Variants in TGFBR3 observed in about 807,000 individuals in gnomAD.
The protein encoded by TGFBR3 is transforming growth factor beta receptor type 3.
A neutral mutation model predicts 87.9 loss-of-function variants in TGFBR3; 46 were observed. The observed-to-expected ratio is 0.52, with a 90% confidence interval of 0.41 to 0.67. The LOEUF is 0.67. TGFBR3 is among the 30% of genes least tolerant of loss of function. TGFBR3 has a pLI of 0.00. For synonymous variants in TGFBR3, 381 were observed against 391.6 expected (o/e 0.97, Z 0.32); for missense variants, 866 against 1,041.9 (o/e 0.83, Z 2.32).
chr1:91,683,732 G>T lies in TGFBR3; in HGVS notation c.*7C>A. On this transcript the variant is annotated 3_prime_UTR_variant, in exon 17 of 17. Transcript: ENST00000212355. ...GGCTGGGTTGGGCCGGGTTGGGCTG[G>T]GTTGGGCTAGGCCGTGCTGCTGCTG... is the stretch of plus-strand genomic sequence containing the variant. The T allele has an allele frequency of 6.4e-7, 1 of 1,552,580 alleles. No homozygotes were observed. The highest frequency in any genetic ancestry group is 8.7e-7 in the Non-Finnish European group (1 of 1,154,554).
At chr1:91,879,753 G>A (rs1386748146) in intron 1 of TGFBR3, among the ~76,000 whole-genome samples, 1 of 152,120 alleles carries the variant, frequency 6.6e-6, no homozygotes, top group African/African-American at 2.4e-5. Context: ...TTTGCAAGCA[G>A]AGAAAATAAA....
intron 1 of TGFBR3, among the ~76,000 whole-genome samples, chr1:91,903,900 A>G (rs1201658596): frequency 2.0e-5 from 3 of 152,114 alleles, no homozygotes; most frequent in Admixed American, 6.6e-5. Flanking sequence ...CTGGCCAGGC[A>G]TGGTGGCTCA....
chr1:91,846,989 AAGC>A (rs1374256843), intron 2 of TGFBR3, among the ~76,000 whole-genome samples: 9 of 152,202 alleles, frequency 5.9e-5, no homozygotes, highest in Admixed American at 5.9e-4. Context: ...TCAATTTCAA[AAGC>A]AGAATGACCA....
chr1:91,800,330 A>G (rs2996485), intron 2 of TGFBR3, among the ~76,000 whole-genome samples: 37,275 of 135,618 alleles, frequency 0.27, 5,808 homozygotes, highest in African/African-American at 0.43. Flanking sequence ...ATATGTGTAT[A>G]TGTGTGTGTG....
chr1:91,772,392 G>C (rs1467174948), intron 3 of TGFBR3, among the ~76,000 whole-genome samples: 3 of 149,856 alleles, frequency 2.0e-5, no homozygotes, highest in African/African-American at 7.4e-5. Context: ...GAATTACCAA[G>C]GAATATCTTG....
intron 3 of TGFBR3, among the ~76,000 whole-genome samples, chr1:91,777,839 C>G (rs957217745): frequency 3.9e-5 from 6 of 152,198 alleles, no homozygotes; most frequent in Non-Finnish European, 5.9e-5. Context: ...TCCTGCAATG[C>G]TTTGCACCGG....
At chr1:91,762,507 T>TA (rs1394268160) in intron 3 of TGFBR3, among the ~76,000 whole-genome samples, 1 of 152,154 alleles carries the variant, frequency 6.6e-6, no homozygotes, top group Non-Finnish European at 1.5e-5. Flanking sequence ...GACTCAGAAC[T>TA]AAAAAAACTT....
chr1:91,805,352 G>A (rs1037240413), intron 2 of TGFBR3, among the ~76,000 whole-genome samples: 4 of 152,124 alleles, frequency 2.6e-5, no homozygotes, highest in African/African-American at 4.8e-5. Flanking sequence ...TGGCTTACTC[G>A]AGAAATCTGA....
At chr1:91,835,157 G>C (rs1401855911) in intron 2 of TGFBR3, among the ~76,000 whole-genome samples, 2 of 152,152 alleles carry the variant, frequency 1.3e-5, no homozygotes, top group East Asian at 3.8e-4. Context: ...ACTAGATCAG[G>C]ATAGCTCTAA....
At position 91,744,116 on chromosome 1, in the gene TGFBR3, C is replaced by T. The variant is rs550834069; in HGVS notation, c.385-9157G>A. Among the ~76,000 whole-genome samples the T allele has an allele frequency of 6.5e-5, 9 of 137,856 alleles. No homozygotes were observed. The East Asian group carries it at 8.4e-4, about 13-fold the overall frequency. The allele number at this position is 137,856 out of a possible 152,430, so 90.4% of individuals were successfully genotyped here. A position where few individuals can be genotyped will look rare whatever the true frequency, so the allele number is the denominator to read the frequency against. ...TTTTTTTTTTTTTGAGACGGAGTTT[C>T]GCTCATCACCCAGGCTGGAGTGTAG... On this transcript the variant is annotated intron_variant, in intron 4 of 16. Transcript: ENST00000212355.
intron 2 of TGFBR3, among the ~76,000 whole-genome samples, chr1:91,856,121 G>A (rs545296434): frequency 1.4e-4 from 21 of 152,044 alleles, no homozygotes; most frequent in Non-Finnish European, 2.9e-4. Context: ...GGAGTGCAGT[G>A]GCGCGATCTC....
rs1318598069 is a variant in TGFBR3 at position 91,698,141 on chromosome 1, A to C, written c.2288-11T>G. On this transcript the variant is annotated splice_polypyrimidine_tract_variant and intron_variant, in intron 14 of 16. Transcript: ENST00000212355. ...TGCTTGGACCTTTTTCTGAAACAAAAACATAAATCACAATGTATTCTATGG... is the reference window on the plus strand; with the variant it reads ...TGCTTGGACCTTTTTCTGAAACAAACACATAAATCACAATGTATTCTATGG... 13 of 1,612,760 alleles carry C rather than the reference A, an allele frequency of 8.1e-6. No homozygotes were observed. Among genetic ancestry groups the C allele is most frequent in the African/African-American group, 1.3e-5 (1 of 74,902 alleles).
chr1:91,688,894 T>G (rs1332518298), intron 16 of TGFBR3, among the ~76,000 whole-genome samples: 2 of 151,672 alleles, frequency 1.3e-5, no homozygotes, highest in Non-Finnish European at 2.9e-5. Context: ...CAGACTAAGG[T>G]GTGATAAGGT....
intron 14 of TGFBR3, among the ~76,000 whole-genome samples, chr1:91,702,653 G>A (rs560538672): frequency 2.0e-5 from 3 of 152,158 alleles, no homozygotes; most frequent in Non-Finnish European, 2.9e-5. Context: ...GTGGATGACA[G>A]AAAGTGATAA....
chr1:91,682,183 AT>A lies in TGFBR3; in HGVS notation c.*1555del, dbSNP rs1381357165. ...ACACTGCCCTAAGGTTTTAAGCTTCATCAGGATTACCTACTGAGGTTCCATT... is the reference window on the plus strand; with the variant it reads ...ACACTGCCCTAAGGTTTTAAGCTTCACAGGATTACCTACTGAGGTTCCATT... On this transcript the variant is annotated 3_prime_UTR_variant, in exon 17 of 17. Coordinates refer to ENST00000212355, the MANE Select transcript of TGFBR3 (RefSeq NM_003243.5). 2.9e-5 allele frequency: 13 copies of A among 453,976 alleles called. No homozygotes were observed. Among genetic ancestry groups the A allele is most frequent in the Non-Finnish European group, 5.3e-5 (12 of 226,784 alleles). 28.1% of individuals were successfully genotyped at this position (453,976 alleles called of 1,614,324 possible).
intron 2 of TGFBR3, among the ~76,000 whole-genome samples, chr1:91,816,344 AG>A (rs1472583980): frequency 6.6e-6 from 1 of 152,236 alleles, no homozygotes; most frequent in Non-Finnish European, 1.5e-5. Flanking sequence ...CTGGTCTTTG[AG>A]AAAACATTTG....
intron 2 of TGFBR3, among the ~76,000 whole-genome samples, chr1:91,860,684 C>T (rs573269991): frequency 6.6e-6 from 1 of 152,188 alleles, no homozygotes; most frequent in South Asian, 2.1e-4. Context: ...GTAATCCCAG[C>T]ACTTTGGGAG....
chr1:91,682,435 G>A lies in TGFBR3; in HGVS notation c.*1304C>T. On this transcript the variant is annotated 3_prime_UTR_variant, in exon 17 of 17. Transcript: ENST00000212355. Reference sequence around the variant, plus strand: ...TTTTTTTTTTTTTTTTAACAAGGAGGTATCACTGAGCTTATTTTAGCTGCA... The same window carrying A: ...TTTTTTTTTTTTTTTTAACAAGGAGATATCACTGAGCTTATTTTAGCTGCA... The A allele has an allele frequency of 2.3e-6, 1 of 441,438 alleles. No homozygotes were observed. Among genetic ancestry groups the A allele is most frequent in the Admixed American group, 2.5e-5 (1 of 40,714 alleles). 27.3% of individuals were successfully genotyped at this position (441,438 alleles called of 1,614,324 possible).
intron 3 of TGFBR3, among the ~76,000 whole-genome samples, chr1:91,780,079 G>A (rs1432389944): frequency 6.6e-6 from 1 of 152,028 alleles, no homozygotes; most frequent in Non-Finnish European, 1.5e-5. Flanking sequence ...TGTATTTAGG[G>A]GCCACCAGAT....
Sources: allele counts gnomAD v4.1 joint callset (sites outside exome capture counted in the v4.1 genomes callset), GRCh38; gene constraint gnomAD v4.1.1; transcripts MANE v1.5; gene names NCBI Gene and HGNC (gene_info 2026-07-23, HGNC 2026-07-21).